SYT14: variants seen among roughly 807,000 people sequenced by gnomAD.
SYT14 encodes synaptotagmin 14, also known as synaptotagmin-14.
A neutral mutation model predicts 74.2 loss-of-function variants in SYT14; 32 were observed. That is an observed-to-expected ratio of 0.43 (90% CI 0.33 to 0.58). The LOEUF (loss-of-function observed/expected upper bound fraction) is 0.58. Among genes scored for constraint, SYT14 ranks in the 20% least tolerant of loss-of-function variants. The pLI is 0.05. For synonymous variants in SYT14, 298 were observed against 337.7 expected, an observed-to-expected ratio of 0.88 and a Z score of 1.29; for missense variants, 791 against 981.8, an observed-to-expected ratio of 0.81 and a Z score of 2.60.
intron 7 of SYT14, among the ~76,000 whole-genome samples, chr1:210,143,244 G>A (rs1227460757): frequency 6.6e-6 from 1 of 152,128 alleles, no homozygotes; most frequent in Non-Finnish European, 1.5e-5. Flanking sequence ...ATTGCAGCTA[G>A]CCAAAAAACA....
rs1301758486 is a variant in SYT14, at chr1:209,968,542, C to G, written c.-486+15786C>G. Among the ~76,000 whole-genome samples, 2 of 151,992 alleles carry G rather than the reference C, an allele frequency of 1.3e-5. 1 individual carries two copies. Among genetic ancestry groups the G allele is most frequent in the Admixed American group, 1.3e-4 (2 of 15,266 alleles). Reference sequence around the variant, plus strand: ...ATGGAGTATGCTCCGCATATTCATCCCTTTCCCACCTCCACCCAACCCTTG... The same window carrying G: ...ATGGAGTATGCTCCGCATATTCATCGCTTTCCCACCTCCACCCAACCCTTG... On this transcript the variant is annotated intron_variant, in intron 2 of 9. Coordinates refer to ENST00000637265, the Ensembl canonical transcript of SYT14.
chr1:210,058,712 T>C (rs1056067941), intron 5 of SYT14, among the ~76,000 whole-genome samples: 9 of 152,228 alleles, frequency 5.9e-5, no homozygotes, highest in Non-Finnish European at 1.0e-4. Flanking sequence ...AGGTTTAGGG[T>C]ACCTTTCTAC....
chr1:210,156,840 C>T, intron 8 of SYT14: 1 of 357,038 alleles, frequency 2.8e-6, no homozygotes, highest in South Asian at 2.2e-5. Flanking sequence ...CTACAGGCAC[C>T]CACCACCACA....
chr1:210,049,979 A>G (rs1269322883), intron 5 of SYT14, among the ~76,000 whole-genome samples: 1 of 152,014 alleles, frequency 6.6e-6, no homozygotes, highest in African/African-American at 2.4e-5. Context: ...CCCTGGAGAC[A>G]TTTTCCCCAT....
At chr1:210,142,074 A>G (rs529264663) in intron 7 of SYT14, among the ~76,000 whole-genome samples, 48 of 152,256 alleles carry the variant, frequency 3.2e-4, no homozygotes, top group Non-Finnish European at 6.2e-4. Context: ...GAGTCAAGTA[A>G]AATCAAAACA....
chr1:209,979,586 T>C (rs1481551344), intron 2 of SYT14, among the ~76,000 whole-genome samples: 2 of 152,092 alleles, frequency 1.3e-5, no homozygotes, highest in African/African-American at 4.8e-5. Flanking sequence ...CTATTCGTCT[T>C]GGTGCTTTCC....
At chr1:210,163,110 C>T (rs1019859966) in exon 10 of SYT14, 10 of 453,226 alleles carry the variant, frequency 2.2e-5, no homozygotes, top group Non-Finnish European at 3.5e-5. Flanking sequence ...CAACTGACTG[C>T]ATTGCTAACA....
rs187827360 is a variant in SYT14 at position 210,023,511 on chromosome 1, T to C, written c.1312+2257T>C. On this transcript the variant is annotated intron_variant, in intron 5 of 9. Coordinates refer to ENST00000637265, the Ensembl canonical transcript of SYT14. ...GGCGCCTGCCACCATGCCCAGCTAA[T>C]TTTTGTATTTTTAGTAGACACGGGG... Among the ~76,000 whole-genome samples, 17 of 151,980 alleles carry C rather than the reference T, an allele frequency of 1.1e-4. No homozygotes were observed. The East Asian group carries it at 2.9e-3, about 26-fold the overall frequency.
intron 5 of SYT14, among the ~76,000 whole-genome samples, chr1:210,045,862 G>A (rs2080874844): frequency 3.3e-5 from 5 of 151,890 alleles, no homozygotes; most frequent in Admixed American, 2.0e-4. Flanking sequence ...GGAAATTATC[G>A]TTATATATTT....
chr1:210,054,341 A>C (rs2081056775), intron 5 of SYT14, among the ~76,000 whole-genome samples: 1 of 152,126 alleles, frequency 6.6e-6, no homozygotes, highest in South Asian at 2.1e-4. Flanking sequence ...CCCATACTGT[A>C]ACTTTCTGCT....
At chr1:210,045,183 A>T (rs1286919533) in intron 5 of SYT14, among the ~76,000 whole-genome samples, 1 of 152,214 alleles carries the variant, frequency 6.6e-6, no homozygotes, top group African/African-American at 2.4e-5. Context: ...AAAGTTTACA[A>T]TGTAGAAATT....
intron 7 of SYT14, among the ~76,000 whole-genome samples, chr1:210,128,797 A>G (rs2082619978): frequency 6.6e-6 from 1 of 152,234 alleles, no homozygotes; most frequent in Non-Finnish European, 1.5e-5. Flanking sequence ...CAAATTGCCC[A>G]AGTGATAGTA....
chr1:210,111,032 C>G (rs776379409), intron 7 of SYT14, among the ~76,000 whole-genome samples: 20 of 152,150 alleles, frequency 1.3e-4, no homozygotes, highest in Non-Finnish European at 4.4e-5. Context: ...GTGTGAGCCA[C>G]CACATTAACA....
At position 210,056,712 on chromosome 1, in the gene SYT14, G is replaced by A. The variant is rs2081104831; in HGVS notation, c.1312+35458G>A. Among the ~76,000 whole-genome samples, 3 of 148,952 alleles carry A rather than the reference G, an allele frequency of 2.0e-5. 1 individual carries two copies. The South Asian group carries it at 6.3e-4, about 31-fold the overall frequency. ...GTGGTGGCATGTGCCTGTAGTCCCA[G>A]CTACTCAGGAGGCTGAGGCAGGAGA... On this transcript the variant is annotated intron_variant, in intron 5 of 9. Coordinates refer to ENST00000637265, the Ensembl canonical transcript of SYT14.
chr1:210,150,455 T>G (rs924640629), intron 7 of SYT14, among the ~76,000 whole-genome samples: 2 of 152,192 alleles, frequency 1.3e-5, no homozygotes, highest in Non-Finnish European at 2.9e-5. Flanking sequence ...ATGCTCTTTC[T>G]TCCTCTCTCC....
intron 5 of SYT14, among the ~76,000 whole-genome samples, chr1:210,026,371 G>A (rs2080411376): frequency 6.6e-6 from 1 of 152,002 alleles, no homozygotes; most frequent in African/African-American, 2.4e-5. Context: ...TATATTAGGA[G>A]AAGCTTATTA....
At chr1:209,945,562 A>G (rs775593576) in intron 1 of SYT14, among the ~76,000 whole-genome samples, 1 of 152,194 alleles carries the variant, frequency 6.6e-6, no homozygotes, top group Non-Finnish European at 1.5e-5. Flanking sequence ...AAGCTAGGTG[A>G]TCATTTAAAG....
chr1:210,140,162 T>G (rs2082884901), intron 7 of SYT14, among the ~76,000 whole-genome samples: 1 of 152,216 alleles, frequency 6.6e-6, no homozygotes, highest in Non-Finnish European at 1.5e-5. Flanking sequence ...CTACTGGGTA[T>G]AAAGTGGTAT....
At chr1:210,133,399 T>G (rs115743070) in intron 7 of SYT14, among the ~76,000 whole-genome samples, 1 of 152,352 alleles carries the variant, frequency 6.6e-6, no homozygotes, top group African/African-American at 2.4e-5. Context: ...CAGATTCTTA[T>G]GCTGCTCTTC....
Sources: gnomAD v4.1 joint callset for allele counts (sites outside exome capture counted in the v4.1 genomes callset) on GRCh38, gnomAD v4.1.1 for gene constraint, MANE v1.5 for transcripts, NCBI Gene and HGNC (gene_info 2026-07-23, HGNC 2026-07-21) for gene names.